Variants in SIAE observed in about 807,000 individuals in gnomAD.
SIAE encodes sialic acid acetylesterase, also known as sialate O-acetylesterase.
Under a neutral mutation model 52.6 loss-of-function variants are expected in SIAE, and 39 were observed. That is an observed-to-expected ratio of 0.74 (90% CI 0.57 to 0.97). The LOEUF (loss-of-function observed/expected upper bound fraction) is 0.97. Among genes scored for constraint, SIAE ranks in the 50% least tolerant of loss-of-function variants. SIAE has a pLI of 0.00. For synonymous variants in SIAE, 233 were observed against 241.4 expected, an observed-to-expected ratio of 0.97 and a Z score of 0.32; for missense variants, 592 against 662.1, an observed-to-expected ratio of 0.89 and a Z score of 1.16.
chr11:124,654,775 C>T lies in SIAE; in HGVS notation c.424G>A (p.Glu142Lys). 6.2e-7 allele frequency: 1 copy of T among 1,613,810 alleles called. No homozygotes were observed. Among genetic ancestry groups the T allele is most frequent in the Admixed American group, 1.7e-5 (1 of 60,012 alleles). ...TVLQIFNATR[E>K]LSNTAAYQSV... is the part of the protein sequence containing the mutation. Reference sequence around the variant, plus strand: ...TGATATGCCGCAGTGTTAGACAACTCCCTTGTAGCATTAAATATCTGGAAA... The same window carrying T: ...TGATATGCCGCAGTGTTAGACAACTTCCTTGTAGCATTAAATATCTGGAAA... Residue 142 changes from glutamate (E) to lysine (K), a missense_variant, in exon 4 of 10, where the codon GAG (glutamate) becomes AAG (lysine). Glu to Lys is a moderately conservative substitution (Grantham distance 56). Coordinates refer to ENST00000263593, the MANE Select transcript of SIAE (RefSeq NM_170601.5).
intron 2 of SIAE, among the ~76,000 whole-genome samples, chr11:124,665,895 G>A (rs544365327): frequency 2.0e-5 from 3 of 152,212 alleles, no homozygotes; most frequent in South Asian, 2.1e-4. Flanking sequence ...TTAGGCTTCT[G>A]TATTATTTTA....
At position 124,639,744 on chromosome 11, in the gene SIAE, T is replaced by C. The variant is rs763809811; in HGVS notation, c.1090A>G (p.Met364Val). ...KMPNTFMAVA[M>V]DLCDRDSPFG... ...GGCGAGTCTCTATCACAGAGATCCA[T>C]AGCTACAGCCATGAAAGTATTGGGC... The change falls in exon 8 of 10, where the codon ATG (methionine) becomes GTG (valine). Residue 364 changes from methionine to valine, a missense_variant. By Grantham distance (21) the Met-to-Val change is conservative (BLOSUM62 1). Coordinates refer to ENST00000263593, the MANE Select transcript of SIAE (RefSeq NM_170601.5). The C allele has an allele frequency of 6.2e-7, 1 of 1,614,184 alleles. No individual in the cohort carries two copies. The highest frequency in any genetic ancestry group is 8.5e-7 in the Non-Finnish European group (1 of 1,180,002).
chr11:124,655,674 T>A (rs1158132565), intron 3 of SIAE, among the ~76,000 whole-genome samples: 1 of 152,142 alleles, frequency 6.6e-6, no homozygotes, highest in Admixed American at 6.5e-5. Flanking sequence ...TATACAGTTA[T>A]CCTTCATGTC....
chr11:124,641,959 C>CAAAAAAAAAAAAAAA (rs11327177), intron 7 of SIAE, among the ~76,000 whole-genome samples: 3 of 39,200 alleles, frequency 7.7e-5, no homozygotes, highest in Non-Finnish European at 1.1e-4. Flanking sequence ...GACTCCATCT[C>CAAAAAAAAAAAAAAA]AAAAAAAAAA....
At position 124,645,970 on chromosome 11, in the gene SIAE, G is replaced by A. The variant is rs1942926904; in HGVS notation, c.966+1395C>T. Among the ~76,000 whole-genome samples the A allele has an allele frequency of 6.6e-6, 1 of 152,162 alleles. No individual in the cohort carries two copies. Among genetic ancestry groups the A allele is most frequent in the South Asian group, 2.1e-4 (1 of 4,828 alleles). ...AGGATGGTGAGAAGTCATCTGTGGG[G>A]CGTGCGGAGGTGGTGTCTGGGACCA... On this transcript the variant is annotated intron_variant, in intron 7 of 9. Coordinates refer to ENST00000263593, the MANE Select transcript of SIAE (RefSeq NM_170601.5). This position sits in a 1 kb window ranked among gnomAD's most constrained non-coding sequence, Gnocchi z 4.7.
In SIAE at chr11:124,666,252, G is replaced by C. The variant is rs540262107; in HGVS notation, c.229+3108C>G. On this transcript the variant is annotated intron_variant, in intron 2 of 9. Coordinates refer to ENST00000263593, the MANE Select transcript of SIAE (RefSeq NM_170601.5). ...ATGGGTAATAAGTTAAATATTACCA[G>C]AGGCAGACAAAGCAGCAAATTGAGG... Among the ~76,000 whole-genome samples, 14 of 152,238 alleles carry C rather than the reference G, an allele frequency of 9.2e-5. No individual in the cohort carries two copies. In the South Asian group the frequency reaches 2.9e-3, roughly 32 times the overall value.
chr11:124,663,352 G>A (rs1011921939), intron 2 of SIAE, among the ~76,000 whole-genome samples: 31 of 152,090 alleles, frequency 2.0e-4, no homozygotes, highest in African/African-American at 3.4e-4. Flanking sequence ...CGAGGCAGGC[G>A]GATCACAAGG....
At chr11:124,652,691 CAAA>C (rs57632780) in intron 4 of SIAE, among the ~76,000 whole-genome samples, 1,256 of 72,886 alleles carry the variant, frequency 0.017, 21 homozygotes, top group East Asian at 0.17. Flanking sequence ...GAGACTCGGT[CAAA>C]AAAAAAAAAA....
intron 5 of SIAE, 148 bp from the exon 6 acceptor site, chr11:124,648,323 G>A: frequency 1.5e-6 from 1 of 676,296 alleles, no homozygotes; most frequent in South Asian, 1.6e-5. Flanking sequence ...TCTTTTTCTT[G>A]AAAACATATG....
In SIAE at chr11:124,645,402, A is replaced by C. The variant is rs191617984; in HGVS notation, c.966+1963T>G. On this transcript the variant is annotated intron_variant, in intron 7 of 9. Coordinates refer to ENST00000263593, the MANE Select transcript of SIAE (RefSeq NM_170601.5). The surrounding 1 kb of genome is among the most constrained non-coding windows in gnomAD (Gnocchi z 4.7). ...CCACAATCTACGCCTCCTGGGTTCA[A>C]GCGATTCTCCTGCCTCAGCCTCCAG... Among the ~76,000 whole-genome samples, 13 of 151,972 alleles carry C rather than the reference A, an allele frequency of 8.6e-5. No homozygotes were observed. Among genetic ancestry groups the C allele is most frequent in the Admixed American group, 2.0e-4 (3 of 15,256 alleles).
intron 4 of SIAE, among the ~76,000 whole-genome samples, chr11:124,651,571 A>G (rs1591388900): frequency 6.6e-6 from 1 of 152,086 alleles, no homozygotes; most frequent in African/African-American, 2.4e-5. Context: ...AAAGAGTAAG[A>G]CAAGTATTTA....
At chr11:124,661,247 T>C (rs905991362) in intron 2 of SIAE, among the ~76,000 whole-genome samples, 1 of 152,178 alleles carries the variant, frequency 6.6e-6, no homozygotes, top group African/African-American at 2.4e-5. Flanking sequence ...AATCTGGAAC[T>C]TCCCCTGGCT....
In SIAE at chr11:124,637,045, G is replaced by T. The variant is rs1479115857; in HGVS notation, c.1478C>A (p.Pro493His). The change falls in exon 10 of 10, where the codon CCC becomes CAC. Residue 493 changes from proline (P) to histidine (H), a missense_variant. Pro to His is a moderately conservative substitution (Grantham distance 77, BLOSUM62 -2). Coordinates refer to ENST00000263593, the MANE Select transcript of SIAE (RefSeq NM_170601.5). The stretch of plus-strand genomic sequence containing the variant: ...CAGGGCACTACTGGGGTGGTATAGG[G>T]GACACTGCTTATATTCACAAGGCCA... ...TTWPCEYKQCPLYHPSSALPA... is the reference protein window; with the variant it reads ...TTWPCEYKQCHLYHPSSALPA... The T allele has an allele frequency of 6.2e-7, 1 of 1,614,002 alleles. No individual in the cohort carries two copies. Among genetic ancestry groups the T allele is most frequent in the Non-Finnish European group, 8.5e-7 (1 of 1,180,032 alleles).
chr11:124,670,713 CT>C lies in SIAE; in HGVS notation c.68-1193del, dbSNP rs538922870. Among the ~76,000 whole-genome samples the C allele has an allele frequency of 2.3e-4, 35 of 152,272 alleles. No individual in the cohort carries two copies. The highest frequency in any genetic ancestry group is 2.2e-3 in the Admixed American group (33 of 15,294). On this transcript the variant is annotated intron_variant, in intron 1 of 9. Transcript: ENST00000263593. This position sits in a 1 kb window ranked among gnomAD's most constrained non-coding sequence, Gnocchi z 4.5. The stretch of plus-strand genomic sequence containing the variant: ...ACAGCTCCGTGGCCTATTTATCCTG[CT>C]CTTGGAATAACAGCCCAGTCCCTAA...
chr11:124,634,726 ATATTC>A lies in SIAE; in HGVS notation c.*2220_*2224del, dbSNP rs1346624119. 2 of 152,216 alleles carry A rather than the reference ATATTC, an allele frequency of 1.3e-5. No individual in the cohort carries two copies. The highest frequency in any genetic ancestry group is 2.9e-5 in the Non-Finnish European group (2 of 68,036). The allele number at this position is 152,216 out of a possible 1,614,324, so 9.4% of individuals were successfully genotyped here. ...CCACAAACTGAAACACTCTAAATCT[ATATTC>A]TATTATTTACATAAGAAAATTATTT... On this transcript the variant is annotated 3_prime_UTR_variant, in exon 10 of 10. Coordinates refer to ENST00000263593, the MANE Select transcript of SIAE (RefSeq NM_170601.5).
chr11:124,668,287 A>G (rs1312785713), intron 2 of SIAE, among the ~76,000 whole-genome samples: 3 of 152,132 alleles, frequency 2.0e-5, no homozygotes, highest in Admixed American at 6.5e-5. Context: ...AGACTACGTA[A>G]TTATCCCTAC....
At chr11:124,668,476 C>T (rs1042444032) in intron 2 of SIAE, among the ~76,000 whole-genome samples, 1 of 152,326 alleles carries the variant, frequency 6.6e-6, no homozygotes, top group Admixed American at 6.5e-5. Context: ...ACATAGTAGG[C>T]TCTCAATAGA....
Position 124,669,970 on chromosome 11 carries a change from C to G in SIAE, c.68-449G>C, listed in dbSNP as rs182669185. On this transcript the variant is annotated intron_variant, in intron 1 of 9. Coordinates refer to ENST00000263593, the MANE Select transcript of SIAE (RefSeq NM_170601.5). ...CTGCTCCTAATGACTGGGAATAAAA[C>G]AGCATGCCTCTCTCCAAACAGCCTT... Among the ~76,000 whole-genome samples, 102 of 152,304 alleles carry G rather than the reference C, an allele frequency of 6.7e-4. No individual in the cohort carries two copies. In the East Asian group the frequency reaches 0.011, roughly 16 times the overall value.
At chr11:124,657,379 C>T (rs1013845415) in intron 3 of SIAE, among the ~76,000 whole-genome samples, 1 of 152,236 alleles carries the variant, frequency 6.6e-6, no homozygotes, top group African/African-American at 2.4e-5. Flanking sequence ...ACTAAGCACT[C>T]AGGATCCTAT....
Sources: allele counts gnomAD v4.1 joint callset (sites outside exome capture counted in the v4.1 genomes callset), GRCh38; gene constraint gnomAD v4.1.1; non-coding constraint Gnocchi (gnomAD v3.1); transcripts MANE v1.5; gene names NCBI Gene and HGNC (gene_info 2026-07-23, HGNC 2026-07-21).